Variants in ZFHX3 observed in about 807,000 individuals in gnomAD.
The protein encoded by ZFHX3 is zinc finger homeobox protein 3.
In ZFHX3, 42 loss-of-function variants were observed where a neutral mutation model predicts 279.1. That is an observed-to-expected ratio of 0.15 (90% CI 0.12 to 0.19). The LOEUF (loss-of-function observed/expected upper bound fraction) is 0.19. Ranked by LOEUF, ZFHX3 falls within the 10% of genes least tolerant of loss-of-function variation. ZFHX3 has a pLI of 1.00. For synonymous variants in ZFHX3, 2,293 were observed against 1,957.8 expected (o/e 1.17, Z -4.52); for missense variants, 4,981 against 4,754.0 (o/e 1.05, Z -1.40).
chr16:73,786,680 A>G (rs929986167), intron 1 of ZFHX3, among the ~76,000 whole-genome samples: 1 of 152,172 alleles, frequency 6.6e-6, no homozygotes, highest in Middle Eastern at 3.2e-3. Context: ...TAACATCCCT[A>G]TTCCATGGGT....
intron 5 of ZFHX3, among the ~76,000 whole-genome samples, chr16:72,827,536 C>T (rs941199531): frequency 6.6e-6 from 1 of 152,176 alleles, no homozygotes; most frequent in Non-Finnish European, 1.5e-5. Context: ...AGAAGGTCAC[C>T]CAGTCTTCAA....
chr16:73,571,639 AT>A (rs34190621), intron 2 of ZFHX3, among the ~76,000 whole-genome samples: 2 of 147,294 alleles, frequency 1.4e-5, no homozygotes, highest in Non-Finnish European at 3.0e-5. Flanking sequence ...AATAGAATTA[AT>A]TTTTTTTAAA....
chr16:73,369,964 G>A (rs949082625), intron 3 of ZFHX3, among the ~76,000 whole-genome samples: 25 of 152,096 alleles, frequency 1.6e-4, no homozygotes, highest in Admixed American at 8.5e-4. Context: ...TTTGTGATAT[G>A]GCTCCAGGAC....
chr16:73,348,619 C>T (rs184259563), intron 3 of ZFHX3, among the ~76,000 whole-genome samples: 121 of 152,308 alleles, frequency 7.9e-4, no homozygotes, highest in African/African-American at 2.8e-3. Flanking sequence ...GACTGATCTT[C>T]GCAGGTGTTA....
intron 5 of ZFHX3, among the ~76,000 whole-genome samples, chr16:73,221,052 C>A (rs569144090): frequency 7.9e-5 from 12 of 152,144 alleles, no homozygotes; most frequent in Admixed American, 4.6e-4. Flanking sequence ...AGGGGCATTG[C>A]GCCATGGAAT....
chr16:73,010,037 A>AC lies in ZFHX3; in HGVS notation c.-50+37714_-50+37715insG, dbSNP rs1322766985. ...CTCCCTCTCAAAGAAAAAAAAAAAA[A>AC]AAAAAACTCATAAAGGTACACAGCA... On this transcript the variant is annotated intron_variant, in intron 1 of 9. Transcript: ENST00000268489. Among the ~76,000 whole-genome samples the AC allele has an allele frequency of 2.0e-5, 3 of 151,330 alleles. No individual in the cohort carries two copies. The East Asian group carries it at 5.8e-4, about 29-fold the overall frequency.
chr16:73,188,271 T>C (rs1967959114), intron 5 of ZFHX3, among the ~76,000 whole-genome samples: 1 of 151,844 alleles, frequency 6.6e-6, no homozygotes, highest in African/African-American at 2.4e-5. Flanking sequence ...CTTACCTTAC[T>C]GCAGCCTCTA....
At chr16:73,036,936 C>T (rs1294485585) in intron 1 of ZFHX3, among the ~76,000 whole-genome samples, 3 of 152,198 alleles carry the variant, frequency 2.0e-5, no homozygotes, top group Non-Finnish European at 4.4e-5. Flanking sequence ...CACCCGCAAA[C>T]TTCCTATGCC....
chr16:73,252,065 A>T (rs2013526095), intron 5 of ZFHX3, among the ~76,000 whole-genome samples: 1 of 152,178 alleles, frequency 6.6e-6, no homozygotes, highest in South Asian at 2.1e-4. Context: ...GGAATTAGCC[A>T]GTCAGTAATA....
intron 3 of ZFHX3, among the ~76,000 whole-genome samples, chr16:72,915,396 C>T (rs959371886): frequency 2.0e-5 from 3 of 152,128 alleles, no homozygotes; most frequent in African/African-American, 7.2e-5. Context: ...ACCCAGTGTC[C>T]GGGATCAGCG....
chr16:73,227,575 G>A (rs991793901), intron 5 of ZFHX3, among the ~76,000 whole-genome samples: 2 of 152,010 alleles, frequency 1.3e-5, no homozygotes, highest in South Asian at 2.1e-4. Context: ...TAGACCGGGC[G>A]CAGTGGCTGA....
intron 7 of ZFHX3, among the ~76,000 whole-genome samples, chr16:73,096,012 T>C (rs893106220): frequency 6.6e-6 from 1 of 152,132 alleles, no homozygotes; most frequent in African/African-American, 2.4e-5. Context: ...AACAAGCTTC[T>C]GGTTGGAAAG....
chr16:73,356,759 G>A (rs2016347400), intron 3 of ZFHX3, among the ~76,000 whole-genome samples: 1 of 151,758 alleles, frequency 6.6e-6, no homozygotes, highest in South Asian at 2.1e-4. Flanking sequence ...ATTTTGTTCG[G>A]TTTCACTCAC....
chr16:72,890,652 G>C (rs2096327833), intron 3 of ZFHX3, among the ~76,000 whole-genome samples: 1 of 152,216 alleles, frequency 6.6e-6, no homozygotes, highest in African/African-American at 2.4e-5. Context: ...GGCCCTCCCA[G>C]TGCAACACCG....
intron 4 of ZFHX3, among the ~76,000 whole-genome samples, chr16:72,872,202 T>G (rs1365379923): frequency 6.6e-6 from 1 of 152,186 alleles, no homozygotes; most frequent in African/African-American, 2.4e-5. Flanking sequence ...GTATTGCAAT[T>G]ATATATATTA....
Position 72,788,453 on chromosome 16 carries a change from G to A in ZFHX3, c.9823C>T (p.Pro3275Ser). The change falls in exon 10 of 10, where the codon CCG becomes TCG. Residue 3275 changes from proline (P) to serine (S), a missense_variant. Physicochemically the swap from Pro to Ser is moderately conservative, Grantham distance 74. Around this residue, in one of 7 missense-constraint regions of ZFHX3, gnomAD observed 1,034 missense variants for 786.0 expected, o/e 1.32. Coordinates refer to ENST00000268489, the MANE Select transcript of ZFHX3 (RefSeq NM_006885.4). ...PTATAATISA[P>S]LPTMEYAVDP... The stretch of plus-strand genomic sequence containing the variant: ...ACCGCATACTCCATGGTGGGCAGCG[G>A]GGCTGAGATCGTGGCTGCAGTTGCC... 6.2e-7 allele frequency: 1 copy of A among 1,614,224 alleles called. No homozygotes were observed. The highest frequency in any genetic ancestry group is 8.5e-7 in the Non-Finnish European group (1 of 1,180,038).
At chr16:73,812,279 G>C (rs1177229698) in intron 1 of ZFHX3, among the ~76,000 whole-genome samples, 3 of 152,154 alleles carry the variant, frequency 2.0e-5, no homozygotes, top group Non-Finnish European at 4.4e-5. Flanking sequence ...ATCTGTCCTG[G>C]AAACACTCTC....
chr16:73,122,210 G>T (rs1427052848), intron 7 of ZFHX3, among the ~76,000 whole-genome samples: 1 of 151,112 alleles, frequency 6.6e-6, no homozygotes, highest in East Asian at 2.0e-4. Context: ...ACATACAACT[G>T]CTCTTTTTTT....
rs112184267 is a variant in ZFHX3, at chr16:73,456,755, G to A, written c.-1546-497C>T. On this transcript the variant is annotated intron_variant, in intron 2 of 17. Coordinates refer to the ZFHX3 transcript ENST00000641206. ...GTGGGATCCAGATGCACCTTCTATC[G>A]GGATGGAAAAGATTTAATCAAGCTG... Among the ~76,000 whole-genome samples the A allele has an allele frequency of 2.5e-3, 378 of 152,266 alleles. 8 individuals are homozygous for A. The highest frequency in any genetic ancestry group is 0.022 in the Admixed American group (333 of 15,294).
Sources: allele counts gnomAD v4.1 joint callset (sites outside exome capture counted in the v4.1 genomes callset), GRCh38; gene constraint gnomAD v4.1.1; regional missense constraint gnomAD v4.1.1; transcripts MANE v1.5; gene names NCBI Gene and HGNC (gene_info 2026-07-23, HGNC 2026-07-21).